Variants in GRAMD2B observed in about 807,000 individuals in gnomAD.
The protein encoded by GRAMD2B is GRAM domain-containing protein 2B.
Under a neutral mutation model 59.2 loss-of-function variants are expected in GRAMD2B, and 41 were observed. That is an observed-to-expected ratio of 0.69 (90% confidence interval 0.54 to 0.90). GRAMD2B has a LOEUF of 0.90. Ranked by LOEUF, GRAMD2B falls within the 40% of genes least tolerant of loss-of-function variation. The pLI, the probability that GRAMD2B is intolerant of heterozygous loss-of-function variation, is 0.00. For synonymous variants in GRAMD2B, 161 were observed against 182.7 expected, an observed-to-expected ratio of 0.88 and a Z score of 0.96; for missense variants, 424 against 500.5, an observed-to-expected ratio of 0.85 and a Z score of 1.46.
Position 126,493,125 on chromosome 5 carries a change from T to C in GRAMD2B, c.*169T>C. 1 of 587,882 alleles carries C rather than the reference T, an allele frequency of 1.7e-6. No homozygotes were observed. Among genetic ancestry groups the C allele is most frequent in the Non-Finnish European group, 3.1e-6 (1 of 323,444 alleles). 36.4% of individuals were successfully genotyped at this position (587,882 alleles called of 1,614,324 possible). A position where few individuals can be genotyped will look rare whatever the true frequency, so the allele number is the denominator to read the frequency against. ...TCAGGAAAGTGAGGAGGGAAATAATTTTGGTTCTTGTGCAATAAAAGTTGA... is the reference window on the plus strand; with the variant it reads ...TCAGGAAAGTGAGGAGGGAAATAATCTTGGTTCTTGTGCAATAAAAGTTGA... On this transcript the variant is annotated 3_prime_UTR_variant, in exon 14 of 14. Coordinates refer to ENST00000285689, the MANE Select transcript of GRAMD2B (RefSeq NM_023927.4).
At chr5:126,421,972 T>C (rs1759770060), upstream of GRAMD2B, among the ~76,000 whole-genome samples, 1 of 152,236 alleles carries the variant, frequency 6.6e-6, no homozygotes, top group South Asian at 2.1e-4. Context: ...TGTTGCCACT[T>C]GTAATTGTTT....
At chr5:126,378,306 G>A (rs1219048049) in intron 1 of GRAMD2B, among the ~76,000 whole-genome samples, 1 of 152,102 alleles carries the variant, frequency 6.6e-6, no homozygotes, top group African/African-American at 2.4e-5. Context: ...AGATCAATGA[G>A]TATCAGCTAT....
chr5:126,447,683 A>AAAAG (rs1305129556), intron 1 of GRAMD2B, among the ~76,000 whole-genome samples: 2 of 151,274 alleles, frequency 1.3e-5, no homozygotes, highest in Admixed American at 1.3e-4. Flanking sequence ...AAAAAAAAAA[A>AAAAG]AAAGAAAGAG....
chr5:126,397,477 G>T (rs751826747), intron 1 of GRAMD2B, among the ~76,000 whole-genome samples: 4 of 152,116 alleles, frequency 2.6e-5, no homozygotes, highest in Non-Finnish European at 5.9e-5. Context: ...ACTCAACTCA[G>T]CCTCCCAAAG....
rs549328608 is a variant in GRAMD2B, at chr5:126,448,509, G to A, written c.84-16917G>A. ...GAGAACCAAAGGGGTTTTAAAGGAG[G>A]AGAAGGAATGATATGATCATATTTG... On this transcript the variant is annotated intron_variant, in intron 1 of 13. Transcript: ENST00000285689. Among the ~76,000 whole-genome samples the A allele has an allele frequency of 4.9e-4, 74 of 152,252 alleles. 2 individuals are homozygous for A. The South Asian group carries it at 0.015, about 31-fold the overall frequency.
intron 12 of GRAMD2B, among the ~76,000 whole-genome samples, chr5:126,487,900 T>C (rs950488021): frequency 1.3e-5 from 2 of 152,210 alleles, no homozygotes; most frequent in East Asian, 1.9e-4. Context: ...CAGAATTATC[T>C]AGAATTGTTT....
At chr5:126,489,994 G>A (rs1279281447) in intron 13 of GRAMD2B, among the ~76,000 whole-genome samples, 1 of 152,154 alleles carries the variant, frequency 6.6e-6, no homozygotes, top group East Asian at 1.9e-4. Flanking sequence ...GTATTTAACA[G>A]CTAAAGTATT....
intron 2 of GRAMD2B, among the ~76,000 whole-genome samples, chr5:126,466,600 A>G (rs1486715512): frequency 6.6e-6 from 1 of 151,964 alleles, no homozygotes; most frequent in Non-Finnish European, 1.5e-5. Flanking sequence ...TAATTTTTGT[A>G]CTTTTAGCAG....
rs987272575 is a variant in GRAMD2B, at chr5:126,494,338, A to T, written c.*1382A>T. ...GGGTTACAACGGTTTAAAGGAAAGA[A>T]AATGAACTTTGAAGTCAAAAAAAAA... On this transcript the variant is annotated 3_prime_UTR_variant, in exon 14 of 14. Coordinates refer to ENST00000285689, the MANE Select transcript of GRAMD2B (RefSeq NM_023927.4). The T allele has an allele frequency of 5.9e-5, 9 of 151,538 alleles. No homozygotes were observed. The highest frequency in any genetic ancestry group is 4.9e-5 in the African/African-American group (2 of 41,232). The allele number at this position is 151,538 out of a possible 1,614,324, so 9.4% of individuals were successfully genotyped here. A position where few individuals can be genotyped will look rare whatever the true frequency, so the allele number is the denominator to read the frequency against.
chr5:126,470,143 G>A (rs1179684617), intron 3 of GRAMD2B, among the ~76,000 whole-genome samples: 1 of 152,132 alleles, frequency 6.6e-6, no homozygotes, highest in East Asian at 1.9e-4. Flanking sequence ...GTCTGATAAG[G>A]CACCTGCCTG....
intron 4 of GRAMD2B, among the ~76,000 whole-genome samples, chr5:126,472,885 C>G (rs776642118): frequency 4.6e-5 from 7 of 152,246 alleles, no homozygotes; most frequent in African/African-American, 7.2e-5. Flanking sequence ...GTGCTCTTCC[C>G]CTAGTGAGGC....
chr5:126,465,176 G>A (rs1034018498), intron 1 of GRAMD2B: 59 of 1,350,880 alleles, frequency 4.4e-5, no homozygotes, highest in Non-Finnish European at 5.2e-5. Flanking sequence ...GCACAGACCT[G>A]GGAGCCAGCA....
intron 1 of GRAMD2B, among the ~76,000 whole-genome samples, chr5:126,394,593 C>T (rs549052253): frequency 6.6e-6 from 1 of 152,282 alleles, no homozygotes; most frequent in South Asian, 2.1e-4. Flanking sequence ...CATTCCATTT[C>T]AATATTCTGC....
At chr5:126,382,225 G>A (rs1335812445) in intron 1 of GRAMD2B, among the ~76,000 whole-genome samples, 1 of 151,926 alleles carries the variant, frequency 6.6e-6, no homozygotes, top group Non-Finnish European at 1.5e-5. Flanking sequence ...CCTGTATTTG[G>A]GTGTCTAGGC....
chr5:126,462,574 A>G (rs1043614060), intron 1 of GRAMD2B: 3 of 276,440 alleles, frequency 1.1e-5, no homozygotes, highest in Non-Finnish European at 1.7e-5. Context: ...GAGATACTAC[A>G]TAATTAATCC....
chr5:126,440,277 GT>G (rs1157416041), intron 1 of GRAMD2B, among the ~76,000 whole-genome samples: 1 of 152,102 alleles, frequency 6.6e-6, no homozygotes, highest in Non-Finnish European at 1.5e-5. Context: ...AACTTATGAA[GT>G]ATTTCTTAAA....
chr5:126,414,101 A>G (rs1436488189), intron 1 of GRAMD2B, among the ~76,000 whole-genome samples: 1 of 152,162 alleles, frequency 6.6e-6, no homozygotes, highest in Admixed American at 6.5e-5. Context: ...TTAGACATCC[A>G]GTGCAGAAAA....
chr5:126,382,561 T>C (rs1435653299), intron 1 of GRAMD2B, among the ~76,000 whole-genome samples: 2 of 152,192 alleles, frequency 1.3e-5, no homozygotes, highest in African/African-American at 4.8e-5. Context: ...TTATTTATGC[T>C]ATCTGTTTCT....
At chr5:126,399,347 T>C (rs1281300812) in intron 1 of GRAMD2B, among the ~76,000 whole-genome samples, 3 of 152,194 alleles carry the variant, frequency 2.0e-5, no homozygotes, top group Non-Finnish European at 2.9e-5. Context: ...TGAATTGTAA[T>C]CCCCACATGT....
Sources: allele counts gnomAD v4.1 joint callset (sites outside exome capture counted in the v4.1 genomes callset), GRCh38; gene constraint gnomAD v4.1.1; transcripts MANE v1.5; gene names NCBI Gene and HGNC (gene_info 2026-07-23, HGNC 2026-07-21).